The following RCAN2 variants were observed in gnomAD, a reference collection of about 807,000 sequenced individuals.
RCAN2 encodes calcipressin-2.
A neutral mutation model predicts 23.6 loss-of-function variants in RCAN2; 9 were observed. The observed-to-expected ratio is 0.38, with a 90% CI of 0.23 to 0.67. The LOEUF (loss-of-function observed/expected upper bound fraction) is 0.67. Among genes scored for constraint, RCAN2 ranks in the 30% least tolerant of loss-of-function variants. The pLI is 0.51. For synonymous variants in RCAN2, 109 were observed against 115.7 expected, an observed-to-expected ratio of 0.94 and a Z score of 0.37; for missense variants, 273 against 302.3, an observed-to-expected ratio of 0.90 and a Z score of 0.72.
At chr6:46,372,111 T>C (rs1326278521) in intron 2 of RCAN2, among the ~76,000 whole-genome samples, 1 of 152,150 alleles carries the variant, frequency 6.6e-6, no homozygotes, top group Non-Finnish European at 1.5e-5. Flanking sequence ...ACATGGAATA[T>C]AACTAAAGGA....
intron 4 of RCAN2, among the ~76,000 whole-genome samples, chr6:46,232,416 G>T (rs2150308740): frequency 6.6e-6 from 1 of 152,236 alleles, no homozygotes; most frequent in South Asian, 2.1e-4. Context: ...AAAGGCTCTG[G>T]GTCAGAGTGG....
At chr6:46,294,694 A>C (rs935195052) in intron 2 of RCAN2, among the ~76,000 whole-genome samples, 2 of 152,160 alleles carry the variant, frequency 1.3e-5, no homozygotes, top group Non-Finnish European at 2.9e-5. Flanking sequence ...TGATATATGG[A>C]GCATGATCCC....
chr6:46,465,752 T>C (rs1335773486), intron 1 of RCAN2, among the ~76,000 whole-genome samples: 2 of 152,138 alleles, frequency 1.3e-5, no homozygotes, highest in South Asian at 2.1e-4. Flanking sequence ...AACACAGAGG[T>C]CAGGCTCTGG....
chr6:46,484,011 A>C (rs1252632610), intron 1 of RCAN2, among the ~76,000 whole-genome samples: 1 of 152,230 alleles, frequency 6.6e-6, no homozygotes, highest in Non-Finnish European at 1.5e-5. Context: ...CTTTCTTGAT[A>C]AATTATTAAA....
At chr6:46,359,857 T>C (rs1207964886) in intron 2 of RCAN2, among the ~76,000 whole-genome samples, 1 of 152,208 alleles carries the variant, frequency 6.6e-6, no homozygotes, top group Non-Finnish European at 1.5e-5. Context: ...ATACAGATGC[T>C]AGAACCAAAG....
intron 2 of RCAN2, among the ~76,000 whole-genome samples, chr6:46,361,705 T>C (rs1373428255): frequency 2.6e-5 from 4 of 152,200 alleles, no homozygotes; most frequent in East Asian, 3.9e-4. Context: ...TTTATTGATA[T>C]TGGATTAGTT....
chr6:46,452,471 C>A (rs1301132494), intron 2 of RCAN2, among the ~76,000 whole-genome samples: 1 of 152,242 alleles, frequency 6.6e-6, no homozygotes, highest in Non-Finnish European at 1.5e-5. Flanking sequence ...AGGACCCAAA[C>A]TGCCTAAGCC....
At chr6:46,350,228 G>A (rs1764605869) in intron 2 of RCAN2, among the ~76,000 whole-genome samples, 1 of 152,212 alleles carries the variant, frequency 6.6e-6, no homozygotes, top group Non-Finnish European at 1.5e-5. Flanking sequence ...CATGAATGGA[G>A]CAGGGGACAG....
Position 46,297,506 on chromosome 6 carries a change from C to T in RCAN2, c.226-48610G>A, listed in dbSNP as rs80141962. On this transcript the variant is annotated intron_variant, in intron 2 of 4. Coordinates refer to ENST00000371374, the MANE Select transcript of RCAN2 (RefSeq NM_001251974.2). ...GCACAGTCCGGGTGGGTAGAATAGA[C>T]ACCCCCCGCTTTGCCTAAAGAAAGG... Among the ~76,000 whole-genome samples, 262 of 152,152 alleles carry T rather than the reference C, an allele frequency of 1.7e-3. 2 individuals carry two copies. Among genetic ancestry groups the T allele is most frequent in the African/African-American group, 6.0e-3 (248 of 41,534 alleles).
intron 2 of RCAN2, among the ~76,000 whole-genome samples, chr6:46,411,346 A>G (rs1202642621): frequency 6.6e-6 from 1 of 152,162 alleles, no homozygotes; most frequent in Non-Finnish European, 1.5e-5. Flanking sequence ...ATGGGGAGCT[A>G]TTGTTCAATG....
At chr6:46,483,897 CT>C (rs370203196) in intron 1 of RCAN2, among the ~76,000 whole-genome samples, 4 of 152,168 alleles carry the variant, frequency 2.6e-5, no homozygotes, top group African/African-American at 9.7e-5. Flanking sequence ...AGAAATTTTG[CT>C]GTTGAGCAAA....
intron 2 of RCAN2, among the ~76,000 whole-genome samples, chr6:46,419,267 AT>A (rs1167470025): frequency 6.6e-6 from 1 of 152,212 alleles, no homozygotes; most frequent in Non-Finnish European, 1.5e-5. Flanking sequence ...GTTGTAAAGC[AT>A]TTAATAGTAT....
intron 4 of RCAN2, among the ~76,000 whole-genome samples, chr6:46,234,966 G>GTGACATGGTACAACCTCAC (rs1240247599): frequency 6.6e-6 from 1 of 152,152 alleles, no homozygotes; most frequent in African/African-American, 2.4e-5. Context: ...GGGAAACTTG[G>GTGACATGGTACAACCTCAC]TGACATGGTA....
rs574089229 is a variant in RCAN2, at chr6:46,376,450, G to C, written c.225+80302C>G. ...TAATCCCAGCACTTTGGGAGGCCAA[G>C]GTGAGTGGATCACGATGCCAGGAGT... On this transcript the variant is annotated intron_variant, in intron 2 of 4. Transcript: ENST00000371374. Among the ~76,000 whole-genome samples the C allele has an allele frequency of 1.4e-4, 21 of 152,328 alleles. No homozygotes were observed. In the South Asian group the frequency reaches 4.3e-3, roughly 32 times the overall value.
At chr6:46,376,234 G>A (rs1765456037) in intron 2 of RCAN2, among the ~76,000 whole-genome samples, 1 of 152,162 alleles carries the variant, frequency 6.6e-6, no homozygotes, top group Admixed American at 6.5e-5. Flanking sequence ...CCCAACTTCT[G>A]CTATGTAATG....
intron 2 of RCAN2, among the ~76,000 whole-genome samples, chr6:46,333,689 C>T (rs1006645695): frequency 6.6e-6 from 1 of 152,178 alleles, no homozygotes; most frequent in Admixed American, 6.5e-5. Flanking sequence ...TGGACATTTT[C>T]CCATCTGGTG....
At chr6:46,366,691 C>A (rs938139282) in intron 2 of RCAN2, among the ~76,000 whole-genome samples, 3 of 151,982 alleles carry the variant, frequency 2.0e-5, no homozygotes, top group Non-Finnish European at 4.4e-5. Flanking sequence ...GATCACCTGG[C>A]CTGACTTCAG....
At chr6:46,381,190 C>A (rs1296548330) in intron 2 of RCAN2, among the ~76,000 whole-genome samples, 2 of 152,154 alleles carry the variant, frequency 1.3e-5, no homozygotes, top group Admixed American at 6.6e-5. Context: ...TCAAACAATG[C>A]TGAAAGACAG....
intron 2 of RCAN2, among the ~76,000 whole-genome samples, chr6:46,379,403 T>C (rs187367639): frequency 3.6e-4 from 55 of 152,182 alleles, no homozygotes; most frequent in Non-Finnish European, 6.2e-4. Context: ...ATCAGCTCAG[T>C]GGCAATGAAC....
Sources: allele counts gnomAD v4.1 joint callset (sites outside exome capture counted in the v4.1 genomes callset), GRCh38; gene constraint gnomAD v4.1.1; transcripts MANE v1.5; gene names NCBI Gene and HGNC (gene_info 2026-07-23, HGNC 2026-07-21).